Variants in WTAP observed in about 807,000 individuals in gnomAD.
WTAP encodes pre-mRNA-splicing regulator WTAP.
Under a neutral mutation model 50.0 loss-of-function variants are expected in WTAP, and 8 were observed. The ratio of observed to expected loss-of-function variants is 0.16; its 90% CI spans 0.09 to 0.29. WTAP has a LOEUF of 0.29. Ranked by LOEUF, WTAP falls within the 10% of genes least tolerant of loss-of-function variation. The pLI, the probability that WTAP is intolerant of heterozygous loss-of-function variation, is 1.00. For synonymous variants in WTAP, 194 were observed against 169.0 expected, an observed-to-expected ratio of 1.15 and a Z score of -1.15; for missense variants, 295 against 470.7, an observed-to-expected ratio of 0.63 and a Z score of 3.45.
chr6:159,751,763 T>C (rs369932882), intron 6 of WTAP, among the ~76,000 whole-genome samples: 6 of 152,294 alleles, frequency 3.9e-5, no homozygotes, highest in South Asian at 2.1e-4. Context: ...TGAATTACAT[T>C]AGGTTAGAAA....
intron 1 of WTAP, among the ~76,000 whole-genome samples, chr6:159,733,909 T>TC (rs1006867110): frequency 2.6e-5 from 4 of 151,930 alleles, no homozygotes; most frequent in Non-Finnish European, 4.4e-5. Context: ...AGAGCGAAAC[T>TC]CCATCTCCAA....
At chr6:159,727,031 G>A (rs1454158543), upstream of WTAP, 6 of 1,231,754 alleles carry the variant, frequency 4.9e-6, no homozygotes, top group Non-Finnish European at 5.2e-6. Flanking sequence ...GCAGCCGCAG[G>A]TGGCCCCGGC....
At chr6:159,728,958 G>T (rs1041545333) in intron 1 of WTAP, among the ~76,000 whole-genome samples, 6 of 152,312 alleles carry the variant, frequency 3.9e-5, no homozygotes, top group Admixed American at 2.6e-4. Context: ...TGTGTCCCAG[G>T]CACTGCTTAT....
chr6:159,728,024 C>T lies in WTAP; in HGVS notation c.-9+321C>T, dbSNP rs545732189. On this transcript the variant is annotated intron_variant, in intron 1 of 7. Coordinates refer to ENST00000621533, the MANE Select transcript of WTAP (RefSeq NM_001270531.2). ...GCGGCGGCGCTCGTTTTTTCCTCGC[C>T]TCGGGGTCGCCCCCTTCACCTCCCT... Among the ~76,000 whole-genome samples the T allele has an allele frequency of 2.0e-3, 302 of 152,358 alleles. 6 individuals are homozygous for T. Among genetic ancestry groups the T allele is most frequent in the Admixed American group, 4.2e-3 (64 of 15,310 alleles).
intron 5 of WTAP, among the ~76,000 whole-genome samples, chr6:159,744,828 C>T (rs1367462415): frequency 1.3e-5 from 2 of 152,094 alleles, no homozygotes; most frequent in African/African-American, 2.4e-5. Context: ...TTCAGGTGTG[C>T]GCCACCAAGC....
intron 3 of WTAP, among the ~76,000 whole-genome samples, chr6:159,740,528 C>A (rs1308392274): frequency 6.6e-6 from 1 of 152,042 alleles, no homozygotes; most frequent in Non-Finnish European, 1.5e-5. Flanking sequence ...TAAAATAAAT[C>A]GTTCTTTTAT....
At chr6:159,740,542 C>T (rs1360252291) in intron 3 of WTAP, among the ~76,000 whole-genome samples, 1 of 152,066 alleles carries the variant, frequency 6.6e-6, no homozygotes, top group African/African-American at 2.4e-5. Flanking sequence ...CTTTTATAGC[C>T]TCCACTGAAG....
intron 4 of WTAP, among the ~76,000 whole-genome samples, chr6:159,742,432 T>C (rs987826154): frequency 4.6e-5 from 7 of 152,180 alleles, no homozygotes; most frequent in Admixed American, 4.6e-4. Context: ...TTGAAACTTT[T>C]CTTACTTGTC....
chr6:159,735,668 G>A (rs1778866263), intron 1 of WTAP, among the ~76,000 whole-genome samples: 1 of 152,108 alleles, frequency 6.6e-6, no homozygotes, highest in Non-Finnish European at 1.5e-5. Context: ...AGAATTGCTT[G>A]AACCCTGGAG....
rs1779984995 is a variant in WTAP at position 159,755,760 on chromosome 6, C to CTTTTTTTTTTTTTTTTTTTTTTTTTT, written c.*153_*154insTTTTTTTTTTTTTTTTTTTTTTTTTT. 6 of 283,700 alleles carry CTTTTTTTTTTTTTTTTTTTTTTTTTT rather than the reference C, an allele frequency of 2.1e-5. No homozygotes were observed. Among genetic ancestry groups the CTTTTTTTTTTTTTTTTTTTTTTTTTT allele is most frequent in the African/African-American group, 1.5e-4 (3 of 19,974 alleles). The allele number at this position is 283,700 out of a possible 1,614,324, so 17.6% of individuals were successfully genotyped here. On this transcript the variant is annotated 3_prime_UTR_variant, in exon 8 of 8. Coordinates refer to ENST00000621533, the MANE Select transcript of WTAP (RefSeq NM_001270531.2). Reference sequence around the variant, plus strand: ...TGTTTTTTTTCTTTGTTTTTTTTTTCTTTTCTTTTTTTTTTTTTTTTTTTT... The same window carrying CTTTTTTTTTTTTTTTTTTTTTTTTTT: ...TGTTTTTTTTCTTTGTTTTTTTTTTCTTTTTTTTTTTTTTTTTTTTTTTTTTTTTTCTTTTTTTTTTTTTTTTTTTT...
At chr6:159,750,818 T>A (rs1779792231) in intron 6 of WTAP, among the ~76,000 whole-genome samples, 1 of 145,734 alleles carries the variant, frequency 6.9e-6, no homozygotes, top group Non-Finnish European at 1.5e-5. Flanking sequence ...CATCACTAAT[T>A]TGAAACAAAT....
At chr6:159,739,093 A>C in intron 3 of WTAP, 48 bp downstream of exon 3, 1 of 1,422,222 alleles carries the variant, frequency 7.0e-7, no homozygotes, top group Non-Finnish European at 9.9e-7. Flanking sequence ...AGAACATTAT[A>C]TTGTGACTCT....
In WTAP at chr6:159,734,908, CT is replaced by C. The variant is rs537523295; in HGVS notation, c.-8-1342del. Among the ~76,000 whole-genome samples the C allele has an allele frequency of 2.3e-3, 346 of 151,140 alleles. 1 individual carries two copies. Among genetic ancestry groups the C allele is most frequent in the African/African-American group, 8.1e-3 (334 of 41,208 alleles). On this transcript the variant is annotated intron_variant, in intron 1 of 7. Coordinates refer to ENST00000621533, the MANE Select transcript of WTAP (RefSeq NM_001270531.2). ...TGTTTATTACACATTTTTTCTTTGT[CT>C]TTTTTTTGTGTGTGGATTTGTAGTT... is the stretch of plus-strand genomic sequence containing the variant.
chr6:159,754,227 A>T (rs1418828785), intron 7 of WTAP, among the ~76,000 whole-genome samples: 2 of 152,240 alleles, frequency 1.3e-5, no homozygotes, highest in African/African-American at 4.8e-5. Context: ...GATGATCAGT[A>T]GCCAAGTAAT....
At chr6:159,731,892 AAC>A (rs1778593308) in intron 1 of WTAP, among the ~76,000 whole-genome samples, 1 of 152,232 alleles carries the variant, frequency 6.6e-6, no homozygotes, top group Non-Finnish European at 1.5e-5. Flanking sequence ...GCCCTTTAAA[AAC>A]AGATTATCAT....
Position 159,753,476 on chromosome 6 carries a change from T to C in WTAP, c.469T>C (p.Leu157=), listed in dbSNP as rs1244145018. 1.2e-6 allele frequency: 2 copies of C among 1,614,082 alleles called. No homozygotes were observed. Among genetic ancestry groups the C allele is most frequent in the African/African-American group, 2.7e-5 (2 of 74,926 alleles). Residue 157 remains leucine (L), a synonymous_variant, in exon 7 of 8, where the codon TTA becomes CTA. Transcript: ENST00000621533. The part of the protein sequence containing the change: ...FTPDSQTGKK[L]MAKCRMLIQE... ...CCTTTGCAGCCAAACAGGGAAAAAG[T>C]TAATGGCGAAGTGTCGAATGCTTAT...
intron 1 of WTAP, among the ~76,000 whole-genome samples, chr6:159,735,490 C>G (rs1194272091): frequency 6.6e-6 from 1 of 152,144 alleles, no homozygotes; most frequent in Non-Finnish European, 1.5e-5. Flanking sequence ...GTGGTTCATT[C>G]CTGTAATCCC....
At chr6:159,741,854 A>G (rs188651015) in intron 3 of WTAP, 17 of 371,538 alleles carry the variant, frequency 4.6e-5, no homozygotes, top group East Asian at 4.5e-4. Context: ...CTTTGGTCCC[A>G]GCTATACAGG....
chr6:159,754,151 A>G (rs1230970902), intron 7 of WTAP, among the ~76,000 whole-genome samples: 1 of 152,228 alleles, frequency 6.6e-6, no homozygotes, highest in Admixed American at 6.5e-5. Context: ...TGCATTATTA[A>G]TAAGGAAAAT....
Sources: gnomAD v4.1 joint callset for allele counts (sites outside exome capture counted in the v4.1 genomes callset) on GRCh38, gnomAD v4.1.1 for gene constraint, MANE v1.5 for transcripts, NCBI Gene and HGNC (gene_info 2026-07-23, HGNC 2026-07-21) for gene names.